HIP1: variants seen among roughly 807,000 people sequenced by gnomAD.
The protein encoded by HIP1 is huntingtin interacting protein 1.
In HIP1, 65 loss-of-function variants were observed where a neutral mutation model predicts 147.6. The ratio of observed to expected loss-of-function variants is 0.44; its 90% CI spans 0.36 to 0.54. The LOEUF (loss-of-function observed/expected upper bound fraction) is 0.54. Among genes scored for constraint, HIP1 ranks in the 20% least tolerant of loss-of-function variants. The pLI, the probability that HIP1 is intolerant of heterozygous loss-of-function variation, is 0.00. For missense variants in HIP1, 1,061 were observed against 1,299.6 expected (o/e 0.82, Z 2.82); for synonymous variants, 479 against 504.0 (o/e 0.95, Z 0.67).
At chr7:75,696,060 C>T (rs1478899689) in intron 1 of HIP1, among the ~76,000 whole-genome samples, 1 of 152,134 alleles carries the variant, frequency 6.6e-6, no homozygotes, top group Non-Finnish European at 1.5e-5. Flanking sequence ...GATCATGGCT[C>T]ACTGCAGTGT....
intron 1 of HIP1, among the ~76,000 whole-genome samples, chr7:75,711,667 A>T (rs1420930621): frequency 6.6e-6 from 1 of 152,184 alleles, no homozygotes; most frequent in Non-Finnish European, 1.5e-5. Context: ...AAACCAGAGG[A>T]GAGGATAGAG....
intron 1 of HIP1, among the ~76,000 whole-genome samples, chr7:75,705,356 T>G (rs183195102): frequency 1.3e-5 from 2 of 152,070 alleles, no homozygotes; most frequent in Non-Finnish European, 1.5e-5. Context: ...CAGCAGGATC[T>G]CTACCTTTTT....
At chr7:75,686,843 C>CTTTTTTTTTT (rs55942242) in intron 1 of HIP1, among the ~76,000 whole-genome samples, 12 of 80,140 alleles carry the variant, frequency 1.5e-4, no homozygotes, top group East Asian at 3.6e-4. Context: ...TATTTTAGTT[C>CTTTTTTTTTT]TTTTTTTTTT....
intron 7 of HIP1, among the ~76,000 whole-genome samples, chr7:75,574,319 T>G: frequency 6.6e-6 from 1 of 151,086 alleles, no homozygotes; most frequent in Admixed American, 6.6e-5. Flanking sequence ...CAGGGTGTGG[T>G]GGCTCACGCC....
At chr7:75,604,926 C>T (rs782122272) in intron 1 of HIP1, among the ~76,000 whole-genome samples, 10 of 152,032 alleles carry the variant, frequency 6.6e-5, no homozygotes, top group Non-Finnish European at 1.0e-4. Context: ...AATAATATAC[C>T]GTGAGTTTGT....
At chr7:75,691,772 G>A (rs1212114757) in intron 1 of HIP1, among the ~76,000 whole-genome samples, 1 of 152,042 alleles carries the variant, frequency 6.6e-6, no homozygotes, top group Admixed American at 6.6e-5. Context: ...TGGGCAACAA[G>A]AGCAAAACTC....
chr7:75,671,175 C>A (rs1799721784), intron 1 of HIP1, among the ~76,000 whole-genome samples: 1 of 152,086 alleles, frequency 6.6e-6, no homozygotes, highest in Non-Finnish European at 1.5e-5. Flanking sequence ...TTCACTGCAA[C>A]CTCCCCCTCC....
chr7:75,644,800 G>T (rs1467551318), intron 1 of HIP1, among the ~76,000 whole-genome samples: 9 of 152,120 alleles, frequency 5.9e-5, no homozygotes, highest in African/African-American at 1.9e-4. Context: ...CCATGGGAAC[G>T]CCTGCAAGCA....
chr7:75,562,899 A>G, intron 11 of HIP1, 36 bp downstream of exon 11: 1 of 1,611,228 alleles, frequency 6.2e-7, no homozygotes, highest in Non-Finnish European at 8.5e-7. Context: ...TGCAGGTGAG[A>G]GGAAAGGCCA....
Position 75,592,609 on chromosome 7 carries a change from C to T in HIP1, c.185-95G>A, listed in dbSNP as rs1189794855. 6.2e-6 allele frequency: 8 copies of T among 1,287,720 alleles called. No homozygotes were observed. The East Asian group carries it at 9.6e-5, about 15-fold the overall frequency. The allele number at this position is 1,287,720 out of a possible 1,614,324, so 79.8% of individuals were successfully genotyped here. On this transcript the variant is annotated intron_variant, in intron 2 of 30. Transcript: ENST00000336926. ...GCCACTGCAGGGGACTGAGCCTGCA[C>T]CCAGCCATCACAGGGGATAGAGGCT...
At chr7:75,644,406 T>C (rs1054686842) in intron 1 of HIP1, among the ~76,000 whole-genome samples, 8 of 152,150 alleles carry the variant, frequency 5.3e-5, no homozygotes, top group African/African-American at 1.4e-4. Context: ...GCGATTCTCC[T>C]GCCTCAGCTT....
chr7:75,696,344 CCT>C (rs1800632682), intron 1 of HIP1, among the ~76,000 whole-genome samples: 1 of 151,282 alleles, frequency 6.6e-6, no homozygotes, highest in African/African-American at 2.4e-5. Context: ...GATAATGATC[CCT>C]CTCTCATTTT....
chr7:75,556,061 G>T lies in HIP1; in HGVS notation c.1792C>A (p.Leu598Met). ...EEELSALRKELQDTQLKLAST... is the reference protein window; with the variant it reads ...EEELSALRKEMQDTQLKLAST... ...GCCAGTTTGAGCTGAGTGTCCTGCA[G>T]TTCTTTCCGAAGAGCAGATAATTCC... Residue 598 changes from leucine (L) to methionine (M), a missense_variant, in exon 18 of 31, where the codon CTG becomes ATG. Leu to Met is a conservative substitution (Grantham distance 15). Coordinates refer to ENST00000336926, the MANE Select transcript of HIP1 (RefSeq NM_005338.7). The T allele has an allele frequency of 1.2e-6, 2 of 1,614,210 alleles. No homozygotes were observed. Among genetic ancestry groups the T allele is most frequent in the Non-Finnish European group, 1.7e-6 (2 of 1,180,024 alleles).
chr7:75,554,765 C>T (rs1794926131), intron 19 of HIP1, among the ~76,000 whole-genome samples: 1 of 152,092 alleles, frequency 6.6e-6, no homozygotes, highest in Non-Finnish European at 1.5e-5. Context: ...AGCTATCACA[C>T]CTGGGGGCTT....
intron 2 of HIP1, 89 bp from the exon 3 acceptor site, chr7:75,592,603 CCTGCACCCAGCCATCACAGGGGATAGAGG>C (rs1426902199): frequency 6.5e-5 from 88 of 1,363,442 alleles, no homozygotes; most frequent in East Asian, 2.4e-5. Context: ...GGGGACTGAG[CCTGCACCCAGCCATCACAGGGGATAGAGG>C]CTGCACCCAG....
chr7:75,631,721 A>G (rs587717393), intron 1 of HIP1, among the ~76,000 whole-genome samples: 1 of 152,254 alleles, frequency 6.6e-6, no homozygotes, highest in South Asian at 2.1e-4. Flanking sequence ...AGCAGGGGGA[A>G]TCTTCTCCGA....
chr7:75,554,331 A>C, intron 20 of HIP1, 109 bp downstream of exon 20: 1 of 1,277,636 alleles, frequency 7.8e-7, no homozygotes. Context: ...TGAGTTGCCT[A>C]CATGCCTTTC....
In HIP1 at chr7:75,624,936, ATTT is replaced by A. The variant is rs57832648; in HGVS notation, c.121-25692_121-25690del. Among the ~76,000 whole-genome samples the A allele has an allele frequency of 1.7e-3, 231 of 139,216 alleles. 1 individual carries two copies. Among genetic ancestry groups the A allele is most frequent in the African/African-American group, 5.4e-3 (205 of 37,718 alleles). The allele number at this position is 139,216 out of a possible 152,430, so 91.3% of individuals were successfully genotyped here. On this transcript the variant is annotated intron_variant, in intron 1 of 30. Coordinates refer to ENST00000336926, the MANE Select transcript of HIP1 (RefSeq NM_005338.7). ...CTGTACATAGGTGTATTTTTGTTTA[ATTT>A]TTTTTTTTTTTTTTTGAGATGTCTT...
At chr7:75,646,987 T>A (rs2117176731) in intron 1 of HIP1, among the ~76,000 whole-genome samples, 1 of 152,058 alleles carries the variant, frequency 6.6e-6, no homozygotes, top group South Asian at 2.1e-4. Context: ...AAGTGGACCC[T>A]CCTGGTTAGG....
Sources: gnomAD v4.1 joint callset for allele counts (sites outside exome capture counted in the v4.1 genomes callset) on GRCh38, gnomAD v4.1.1 for gene constraint, MANE v1.5 for transcripts, NCBI Gene and HGNC (gene_info 2026-07-23, HGNC 2026-07-21) for gene names.